The following RIN2 variants were observed in gnomAD, a reference collection of about 807,000 sequenced individuals.
RIN2 encodes Ras and Rab interactor 2.
In RIN2, 36 loss-of-function variants were observed where a neutral mutation model predicts 78.0. The ratio of observed to expected loss-of-function variants is 0.46; its 90% confidence interval spans 0.35 to 0.61. The LOEUF is 0.61. Ranked by LOEUF, RIN2 falls within the 20% of genes least tolerant of loss-of-function variation. The pLI is 0.00. For missense variants in RIN2, 1,087 were observed against 1,159.7 expected (o/e 0.94, Z 0.91); for synonymous variants, 466 against 466.8 (o/e 1.00, Z 0.02).
chr20:19,774,471 G>A (rs2034241635), intron 1 of RIN2, among the ~76,000 whole-genome samples: 1 of 152,234 alleles, frequency 6.6e-6, no homozygotes, highest in South Asian at 2.1e-4. Context: ...AGATTGCAGA[G>A]AGGAATTCCA....
intron 3 of RIN2, among the ~76,000 whole-genome samples, chr20:19,923,887 G>C (rs2040035607): frequency 6.6e-6 from 1 of 151,932 alleles, no homozygotes; most frequent in South Asian, 2.1e-4. Flanking sequence ...AACCAACAGG[G>C]CTAGGATAGA....
At chr20:19,911,547 C>G (rs191201429) in intron 3 of RIN2, among the ~76,000 whole-genome samples, 60 of 152,280 alleles carry the variant, frequency 3.9e-4, no homozygotes, top group Admixed American at 1.2e-3. Flanking sequence ...AAGACACAAG[C>G]CAAAAAGCTA....
chr20:19,932,278 G>A (rs760731973), intron 3 of RIN2, among the ~76,000 whole-genome samples: 1 of 152,110 alleles, frequency 6.6e-6, no homozygotes, highest in Non-Finnish European at 1.5e-5. Flanking sequence ...TTCCGCCACG[G>A]GATGACTCTT....
chr20:19,889,060 G>T, intron 2 of RIN2: 1 of 906,214 alleles, frequency 1.1e-6, no homozygotes, highest in South Asian at 5.1e-5. Context: ...ATTTCTAAGG[G>T]AAAAATAGAG....
At position 19,956,771 on chromosome 20, in the gene RIN2, G is replaced by A. The variant is rs762895158; in HGVS notation, c.315G>A (p.Glu105=). The part of the protein sequence containing the change: ...PIWLQLSLSE[E]EAAEVLQAQP... ...GGCTGCAGCTGAGTCTGAGTGAGGA[G>A]GAGGCAGCAGAGGTCCTGCAGGCCC... The change falls in exon 5 of 13, where the codon GAG becomes GAA. Residue 105 remains glutamate, a synonymous_variant. Transcript: ENST00000255006. 4 of 1,600,240 alleles carry A rather than the reference G, an allele frequency of 2.5e-6. No individual in the cohort carries two copies. Among genetic ancestry groups the A allele is most frequent in the Admixed American group, 3.4e-5 (2 of 58,398 alleles).
chr20:19,850,191 C>T (rs1229758676), intron 2 of RIN2, among the ~76,000 whole-genome samples: 4 of 152,132 alleles, frequency 2.6e-5, no homozygotes, highest in Admixed American at 2.6e-4. Flanking sequence ...TATTAACAGA[C>T]CTCCCTCCAT....
chr20:19,803,497 T>C (rs2035311878), intron 2 of RIN2, among the ~76,000 whole-genome samples: 1 of 152,214 alleles, frequency 6.6e-6, no homozygotes, highest in Admixed American at 6.5e-5. Context: ...GGGGAAAGGA[T>C]TCCTTATTTA....
At chr20:19,897,788 T>C (rs1284511135) in intron 3 of RIN2, among the ~76,000 whole-genome samples, 1 of 152,012 alleles carries the variant, frequency 6.6e-6, no homozygotes, top group Non-Finnish European at 1.5e-5. Context: ...CATAGCTTAC[T>C]GCAGCCTGGA....
intron 2 of RIN2, among the ~76,000 whole-genome samples, chr20:19,886,136 C>G (rs976135171): frequency 2.6e-5 from 4 of 152,234 alleles, no homozygotes; most frequent in African/African-American, 9.6e-5. Context: ...AGTGACTCAA[C>G]CCAGTTCCAT....
intron 1 of RIN2, among the ~76,000 whole-genome samples, chr20:19,796,285 G>A (rs975690618): frequency 6.6e-6 from 1 of 152,170 alleles, no homozygotes; most frequent in Non-Finnish European, 1.5e-5. Context: ...CTTTTGGAAT[G>A]TCTGAAATCC....
intron 2 of RIN2, among the ~76,000 whole-genome samples, chr20:19,855,480 G>A (rs2037134832): frequency 6.6e-6 from 1 of 152,072 alleles, no homozygotes; most frequent in African/African-American, 2.4e-5. Flanking sequence ...TCATACCTCT[G>A]GTAGAATTCA....
At position 19,838,220 on chromosome 20, in the gene RIN2, C is replaced by T. The variant is rs56383551; in HGVS notation, c.-37+38473C>T. On this transcript the variant is annotated intron_variant, in intron 2 of 12. Coordinates refer to ENST00000255006, the MANE Select transcript of RIN2 (RefSeq NM_018993.4). Reference sequence around the variant, plus strand: ...GTCTAAGATCAGTCATACTACATTGCATAGGATATTGTGAACTAAGCTTGC... The same window carrying T: ...GTCTAAGATCAGTCATACTACATTGTATAGGATATTGTGAACTAAGCTTGC... Among the ~76,000 whole-genome samples the T allele has an allele frequency of 6.9e-3, 1,048 of 152,260 alleles. 10 individuals carry two copies. The highest frequency in any genetic ancestry group is 0.048 in the South Asian group (231 of 4,816).
intron 2 of RIN2, among the ~76,000 whole-genome samples, chr20:19,875,224 T>G (rs931138560): frequency 6.6e-6 from 1 of 152,074 alleles, no homozygotes. Context: ...AGTGGTATGA[T>G]CTTGGCTCAC....
At chr20:19,966,157 T>TGTGTTA (rs2146282489) in intron 7 of RIN2, among the ~76,000 whole-genome samples, 1 of 152,226 alleles carries the variant, frequency 6.6e-6, no homozygotes, top group Admixed American at 6.5e-5. Context: ...GACAGGAAAA[T>TGTGTTA]GTGTTACTAG....
At chr20:19,909,478 A>C (rs774309896) in intron 3 of RIN2, among the ~76,000 whole-genome samples, 4 of 152,170 alleles carry the variant, frequency 2.6e-5, no homozygotes, top group Admixed American at 6.5e-5. Context: ...TCAACAGCCA[A>C]GTGCTGGGCA....
chr20:19,841,013 T>C (rs541669667), intron 2 of RIN2, among the ~76,000 whole-genome samples: 4 of 152,262 alleles, frequency 2.6e-5, no homozygotes, highest in Admixed American at 1.3e-4. Flanking sequence ...TTATCTGTTC[T>C]TTAGGGAACA....
rs182180730 is a variant in RIN2, at chr20:19,962,928, C to T, written c.464-2024C>T. Among the ~76,000 whole-genome samples the T allele has an allele frequency of 2.2e-3, 329 of 152,278 alleles. 2 individuals carry two copies. Among genetic ancestry groups the T allele is most frequent in the African/African-American group, 7.6e-3 (314 of 41,556 alleles). On this transcript the variant is annotated intron_variant, in intron 6 of 12. Coordinates refer to ENST00000255006, the MANE Select transcript of RIN2 (RefSeq NM_018993.4). Reference sequence around the variant, plus strand: ...TCCGAGATAGTGCCGTTGCACTCTCCAGCCTGGGCGACAGAGTGAGACTTT... The same window carrying T: ...TCCGAGATAGTGCCGTTGCACTCTCTAGCCTGGGCGACAGAGTGAGACTTT...
At chr20:19,967,013 C>T (rs1032661540) in intron 7 of RIN2, among the ~76,000 whole-genome samples, 2 of 152,158 alleles carry the variant, frequency 1.3e-5, no homozygotes, top group African/African-American at 4.8e-5. Flanking sequence ...AATGCTAACA[C>T]GTTGGCCAGG....
chr20:19,916,135 G>A (rs2039675218), intron 3 of RIN2, among the ~76,000 whole-genome samples: 1 of 152,232 alleles, frequency 6.6e-6, no homozygotes, highest in Non-Finnish European at 1.5e-5. Flanking sequence ...AGCTACTCGG[G>A]AGGCTGAGGC....
Sources: allele counts gnomAD v4.1 joint callset (sites outside exome capture counted in the v4.1 genomes callset), GRCh38; gene constraint gnomAD v4.1.1; transcripts MANE v1.5; gene names NCBI Gene and HGNC (gene_info 2026-07-23, HGNC 2026-07-21).